ZNF804B: variants seen among roughly 807,000 people sequenced by gnomAD.
The protein encoded by ZNF804B is zinc finger protein 804B, also known as zinc finger 804B.
A neutral mutation model predicts 101.4 loss-of-function variants in ZNF804B; 80 were observed. The ratio of observed to expected loss-of-function variants is 0.79; its 90% confidence interval spans 0.66 to 0.95. The LOEUF is 0.95. Ranked by LOEUF, ZNF804B falls within the 40% of genes least tolerant of loss-of-function variation. The pLI is 0.00. For missense variants in ZNF804B, 1,673 were observed against 1,561.9 expected, an observed-to-expected ratio of 1.07 and a Z score of -1.20; for synonymous variants, 622 against 558.8, an observed-to-expected ratio of 1.11 and a Z score of -1.59.
chr7:89,320,707 A>C (rs1790805329), intron 2 of ZNF804B, among the ~76,000 whole-genome samples: 1 of 152,160 alleles, frequency 6.6e-6, no homozygotes, highest in Non-Finnish European at 1.5e-5. Flanking sequence ...AATGAAAAAC[A>C]TGCCAAGGTA....
At chr7:88,841,984 G>C (rs570724696) in intron 1 of ZNF804B, among the ~76,000 whole-genome samples, 164 of 152,262 alleles carry the variant, frequency 1.1e-3, no homozygotes, top group African/African-American at 3.8e-3. Context: ...TATTAGTCCA[G>C]ATATTTCACT....
intron 2 of ZNF804B, among the ~76,000 whole-genome samples, chr7:89,323,683 G>T (rs2115973724): frequency 6.6e-6 from 1 of 152,082 alleles, no homozygotes; most frequent in South Asian, 2.1e-4. Context: ...TTATTACCTA[G>T]ACTGTAAGGT....
chr7:88,910,224 T>A (rs995443424), intron 1 of ZNF804B, among the ~76,000 whole-genome samples: 8 of 151,750 alleles, frequency 5.3e-5, no homozygotes, highest in Middle Eastern at 6.3e-3. Context: ...AAACACAAAA[T>A]ACCAAACAAA....
At chr7:89,295,022 A>G (rs1043000040) in intron 2 of ZNF804B, among the ~76,000 whole-genome samples, 3 of 152,104 alleles carry the variant, frequency 2.0e-5, no homozygotes, top group African/African-American at 7.2e-5. Flanking sequence ...ACTGCTTGCC[A>G]ATTCTTGGCA....
chr7:88,796,638 G>C (rs1790489721), intron 1 of ZNF804B, among the ~76,000 whole-genome samples: 1 of 152,078 alleles, frequency 6.6e-6, no homozygotes, highest in Non-Finnish European at 1.5e-5. Flanking sequence ...ATGAGGCCTT[G>C]CCCGGCAATA....
chr7:89,234,741 G>A (rs1487111268), intron 2 of ZNF804B, among the ~76,000 whole-genome samples: 2 of 152,074 alleles, frequency 1.3e-5, no homozygotes, highest in South Asian at 2.1e-4. Flanking sequence ...CAGACTCCAG[G>A]TTCTTTGGCT....
At position 89,286,211 on chromosome 7, in the gene ZNF804B, T is replaced by G. The variant is rs138637518; in HGVS notation, c.250-41133T>G. ...GCCTCTAAATCGGGACTTTAGGACT[T>G]TATCATTAGGACTTTAAGGCTCATT... On this transcript the variant is annotated intron_variant, in intron 2 of 3. Coordinates refer to ENST00000333190, the MANE Select transcript of ZNF804B (RefSeq NM_181646.5). Among the ~76,000 whole-genome samples, 61 of 152,206 alleles carry G rather than the reference T, an allele frequency of 4.0e-4. 1 individual carries two copies. The East Asian group carries it at 6.4e-3, about 16-fold the overall frequency.
In ZNF804B at chr7:89,020,151, G is replaced by A. The variant is rs1219781760; in HGVS notation, c.109-198004G>A. 2.0e-5 allele frequency among the ~76,000 whole-genome samples: 3 copies of A among 152,048 alleles called. No homozygotes were observed. In the East Asian group the frequency reaches 5.8e-4, roughly 29 times the overall value. On this transcript the variant is annotated intron_variant, in intron 1 of 3. Coordinates refer to ENST00000333190, the MANE Select transcript of ZNF804B (RefSeq NM_181646.5). ...TTTTTTGTACATAAGCAATATTAGT[G>A]AGTTTCATAATTTAGTGTGTTTTCA...
chr7:88,862,522 A>C (rs1363068246), intron 1 of ZNF804B, among the ~76,000 whole-genome samples: 1 of 152,194 alleles, frequency 6.6e-6, no homozygotes, highest in Admixed American at 6.6e-5. Context: ...GATACAACAA[A>C]ATTGAAAGTA....
intron 2 of ZNF804B, among the ~76,000 whole-genome samples, chr7:89,278,506 G>A (rs1170803812): frequency 6.6e-6 from 1 of 151,524 alleles, no homozygotes; most frequent in Admixed American, 6.6e-5. Flanking sequence ...AGTCTTTAAT[G>A]CATCTTGAAT....
At chr7:89,190,940 A>C (rs968388868) in intron 1 of ZNF804B, among the ~76,000 whole-genome samples, 3 of 152,192 alleles carry the variant, frequency 2.0e-5, no homozygotes, top group African/African-American at 7.2e-5. Context: ...ACTATAGGAT[A>C]CTGTAAATAG....
chr7:89,124,170 A>T (rs1790445206), intron 1 of ZNF804B, among the ~76,000 whole-genome samples: 1 of 152,164 alleles, frequency 6.6e-6, no homozygotes, highest in Non-Finnish European at 1.5e-5. Context: ...CAGTAAACAA[A>T]CTTGTACTGC....
chr7:89,121,536 A>G (rs1160838641), intron 1 of ZNF804B, among the ~76,000 whole-genome samples: 1 of 152,228 alleles, frequency 6.6e-6, no homozygotes, highest in Admixed American at 6.5e-5. Context: ...AATAAATGAT[A>G]TAGTATGAAA....
Position 89,337,004 on chromosome 7 carries a change from C to T in ZNF804B, c.4022C>T (p.Ala1341Val), listed in dbSNP as rs1314451293. ...CAACAGCTAAATGAAGTGAAAGAGG[C>T]CTTAAATGTGTCCACACACTTGAAC... is the stretch of plus-strand genomic sequence containing the variant. Reference protein sequence around the residue: ...QMQQLNEVKEALNVSTHLN With the variant: ...QMQQLNEVKEVLNVSTHLN Residue 1341 changes from alanine to valine, a missense_variant, in exon 4 of 4, where the codon GCC becomes GTC. Physicochemically the swap from Ala to Val is moderately conservative, Grantham distance 64. Transcript: ENST00000333190. 1.2e-6 allele frequency: 2 copies of T among 1,613,802 alleles called. No homozygotes were observed. The highest frequency in any genetic ancestry group is 1.7e-6 in the Non-Finnish European group (2 of 1,179,932).
At chr7:89,328,046 A>G (rs1189605500) in intron 3 of ZNF804B, among the ~76,000 whole-genome samples, 2 of 152,010 alleles carry the variant, frequency 1.3e-5, no homozygotes, top group East Asian at 3.9e-4. Flanking sequence ...GGATGTTTCA[A>G]AGTTGTTACC....
intron 1 of ZNF804B, among the ~76,000 whole-genome samples, chr7:89,145,546 A>G (rs942160312): frequency 3.3e-5 from 5 of 152,090 alleles, no homozygotes; most frequent in African/African-American, 1.2e-4. Flanking sequence ...TTTCTAATTC[A>G]GGTATTATTC....
intron 1 of ZNF804B, among the ~76,000 whole-genome samples, chr7:89,022,954 G>A (rs1169600264): frequency 1.3e-5 from 2 of 152,074 alleles, no homozygotes; most frequent in African/African-American, 4.8e-5. Flanking sequence ...AAATACACAT[G>A]CACATAAAAA....
intron 1 of ZNF804B, among the ~76,000 whole-genome samples, chr7:88,796,056 A>G (rs1378643685): frequency 6.6e-6 from 1 of 152,108 alleles, no homozygotes; most frequent in Non-Finnish European, 1.5e-5. Context: ...GAATCTATCT[A>G]ATGGTGAATA....
At chr7:88,863,082 G>T (rs1346400388) in intron 1 of ZNF804B, among the ~76,000 whole-genome samples, 1 of 152,052 alleles carries the variant, frequency 6.6e-6, no homozygotes, top group Non-Finnish European at 1.5e-5. Flanking sequence ...TCTCCTTCTA[G>T]CTTCATCTTG....
Sources: allele counts gnomAD v4.1 joint callset (sites outside exome capture counted in the v4.1 genomes callset), GRCh38; gene constraint gnomAD v4.1.1; transcripts MANE v1.5; gene names NCBI Gene and HGNC (gene_info 2026-07-23, HGNC 2026-07-21).